The following SH3PXD2B variants were observed in gnomAD, a reference collection of about 807,000 sequenced individuals.
The protein encoded by SH3PXD2B is SH3 and PX domains 2B, also known as SH3 and PX domain-containing protein 2B.
A neutral mutation model predicts 73.1 loss-of-function variants in SH3PXD2B; 37 were observed. That is an observed-to-expected ratio of 0.51 (90% CI 0.39 to 0.67). The LOEUF (loss-of-function observed/expected upper bound fraction) is 0.67. SH3PXD2B is among the 30% of genes least tolerant of loss of function. The pLI, the probability that SH3PXD2B is intolerant of heterozygous loss-of-function variation, is 0.00. For synonymous variants in SH3PXD2B, 457 were observed against 480.5 expected (o/e 0.95, Z 0.64); for missense variants, 1,053 against 1,197.8 (o/e 0.88, Z 1.78).
At chr5:172,341,246 G>A (rs557876439) in intron 12 of SH3PXD2B, among the ~76,000 whole-genome samples, 1 of 152,318 alleles carries the variant, frequency 6.6e-6, no homozygotes, top group South Asian at 2.1e-4. Flanking sequence ...CTTTAAAGAG[G>A]TGGTTAAGGT....
chr5:172,430,484 G>C (rs575461399), intron 1 of SH3PXD2B, among the ~76,000 whole-genome samples: 6 of 152,328 alleles, frequency 3.9e-5, no homozygotes, highest in African/African-American at 1.4e-4. Flanking sequence ...GGAAGGCCCT[G>C]ACACCCCCAC....
chr5:172,329,100 A>ATTTT (rs1230170846), downstream of SH3PXD2B, among the ~76,000 whole-genome samples: 1 of 20,556 alleles, frequency 4.9e-5, no homozygotes, highest in Non-Finnish European at 1.0e-4. Flanking sequence ...TTTTTTTTTG[A>ATTTT]GATGGAGTCT....
downstream of SH3PXD2B, among the ~76,000 whole-genome samples, chr5:172,331,367 C>T (rs909299854): frequency 2.0e-5 from 3 of 152,072 alleles, no homozygotes; most frequent in Non-Finnish European, 2.9e-5. Context: ...CTGAGTTTGA[C>T]TTTTAGGGAG....
intron 4 of SH3PXD2B, among the ~76,000 whole-genome samples, chr5:172,385,872 C>T (rs1318361359): frequency 2.6e-5 from 4 of 152,200 alleles, no homozygotes; most frequent in Admixed American, 6.5e-5. Flanking sequence ...TTGGGATGGA[C>T]TTGGCTACCA....
chr5:172,437,739 G>C (rs562578741), intron 1 of SH3PXD2B, among the ~76,000 whole-genome samples: 19 of 152,312 alleles, frequency 1.2e-4, no homozygotes, highest in African/African-American at 4.3e-4. Flanking sequence ...AGTGCTTGTG[G>C]TGTCTTGCGT....
chr5:172,402,509 G>T (rs376091099), intron 3 of SH3PXD2B, among the ~76,000 whole-genome samples: 1 of 152,168 alleles, frequency 6.6e-6, no homozygotes, highest in Admixed American at 6.5e-5. Flanking sequence ...TGCTGGTTTT[G>T]CGGCTTGCAG....
At chr5:172,432,075 A>G (rs1759260310) in intron 1 of SH3PXD2B, among the ~76,000 whole-genome samples, 1 of 152,212 alleles carries the variant, frequency 6.6e-6, no homozygotes, top group South Asian at 2.1e-4. Flanking sequence ...GGAGAGGCTG[A>G]GGCAGGAGAA....
At chr5:172,343,394 A>G (rs1052879243) in intron 12 of SH3PXD2B, among the ~76,000 whole-genome samples, 1 of 152,320 alleles carries the variant, frequency 6.6e-6, no homozygotes. Context: ...TCAAGCTTAC[A>G]CTCTTTGCAA....
At chr5:172,359,468 A>C (rs1300213457) in intron 7 of SH3PXD2B, among the ~76,000 whole-genome samples, 1 of 151,838 alleles carries the variant, frequency 6.6e-6, no homozygotes, top group Non-Finnish European at 1.5e-5. Context: ...ACTTGCATTA[A>C]ATACAATCTT....
At chr5:172,352,791 T>C (rs1372005713) in intron 9 of SH3PXD2B, among the ~76,000 whole-genome samples, 1 of 152,222 alleles carries the variant, frequency 6.6e-6, no homozygotes, top group Non-Finnish European at 1.5e-5. Flanking sequence ...GCCATGATTC[T>C]GAGGCCTCCC....
chr5:172,339,309 CCA>C lies in SH3PXD2B; in HGVS notation c.1794_1795del (p.Cys598TrpfsTer23). 1 of 1,614,208 alleles carries C rather than the reference CCA, an allele frequency of 6.2e-7. No homozygotes were observed. The highest frequency in any genetic ancestry group is 8.5e-7 in the Non-Finnish European group (1 of 1,180,042). On this transcript the variant is annotated frameshift_variant, in exon 13 of 13. Coordinates refer to ENST00000311601, the MANE Select transcript of SH3PXD2B (RefSeq NM_001017995.3). LOFTEE classifies it high-confidence loss of function. The surrounding 1 kb of genome is among the most constrained non-coding windows in gnomAD (Gnocchi z 6.1). ...CACTTCCTTGGCCAAGACCTTGTGG[CCA>C]CACTCCAGCCCCATGTCATTTTTCA...
rs901248284 is a variant in SH3PXD2B at position 172,374,370 on chromosome 5, C to A, written c.402-555G>T. Among the ~76,000 whole-genome samples the A allele has an allele frequency of 2.0e-5, 3 of 152,280 alleles. No individual in the cohort carries two copies. In the South Asian group the frequency reaches 6.2e-4, roughly 32 times the overall value. On this transcript the variant is annotated intron_variant, in intron 5 of 12. Transcript: ENST00000311601. ...TAGTGAGTCCCTTACCGTCGTCACC[C>A]GTGTCAGAGTTTATAAATGCAACTG...
rs149821150 is a variant in SH3PXD2B at position 172,335,843 on chromosome 5, C to G, written c.*2526G>C. 140 of 1,227,676 alleles carry G rather than the reference C, an allele frequency of 1.1e-4. 1 individual carries two copies. In the East Asian group the frequency reaches 3.9e-3, roughly 35 times the overall value. 76.0% of individuals were successfully genotyped at this position (1,227,676 alleles called of 1,614,324 possible). On this transcript the variant is annotated 3_prime_UTR_variant, in exon 13 of 13. Coordinates refer to ENST00000311601, the MANE Select transcript of SH3PXD2B (RefSeq NM_001017995.3). ...GAGCTGGATACAGACGTCCTCAGGC[C>G]ATAGATATGACTCAAGGAGAGAACA...
intron 1 of SH3PXD2B, among the ~76,000 whole-genome samples, chr5:172,432,528 A>T (rs764290074): frequency 1.3e-5 from 2 of 152,198 alleles, no homozygotes; most frequent in African/African-American, 2.4e-5. Flanking sequence ...GCACGTGCCC[A>T]TGTCCGAAAA....
In SH3PXD2B at chr5:172,348,650, CTATCCTATCTATCTATCTATCTAT is replaced by C. The variant is rs1335159595; in HGVS notation, c.1013-1342_1013-1319del. On this transcript the variant is annotated intron_variant, in intron 10 of 12. Coordinates refer to ENST00000311601, the MANE Select transcript of SH3PXD2B (RefSeq NM_001017995.3). ...TGTATCTATCTATGTATCTATCTAT[CTATCCTATCTATCTATCTATCTAT>C]CTATCTATCTATCTATCTATCTATC... Among the ~76,000 whole-genome samples, 92 of 77,700 alleles carry C rather than the reference CTATCCTATCTATCTATCTATCTAT, an allele frequency of 1.2e-3. 1 individual carries two copies. The highest frequency in any genetic ancestry group is 1.9e-3 in the Non-Finnish European group (66 of 34,684). 51.0% of individuals were successfully genotyped at this position (77,700 alleles called of 152,430 possible).
chr5:172,330,306 GCT>G (rs1422913825), downstream of SH3PXD2B, among the ~76,000 whole-genome samples: 1 of 152,180 alleles, frequency 6.6e-6, no homozygotes, highest in African/African-American at 2.4e-5. Context: ...TCAGTGAGCA[GCT>G]CTCTGTTGCA....
Position 172,350,354 on chromosome 5 carries a change from GTCAC to G in SH3PXD2B, c.1012+5_1012+8del. ...CTGATTATCAGGAGCTTGGGCGGGT[GTCAC>G]TCACTCTGCTTGGCGTCACCGTCGG... On this transcript the variant is annotated splice_donor_5th_base_variant and intron_variant, in intron 10 of 12. Transcript: ENST00000311601. 1.2e-6 allele frequency: 2 copies of G among 1,613,032 alleles called. No homozygotes were observed. The highest frequency in any genetic ancestry group is 1.7e-6 in the Non-Finnish European group (2 of 1,179,700).
intron 2 of SH3PXD2B, among the ~76,000 whole-genome samples, chr5:172,416,681 TC>T (rs1758829325): frequency 9.6e-6 from 1 of 104,380 alleles, no homozygotes; most frequent in Non-Finnish European, 1.8e-5. Context: ...ACTGTGAGTC[TC>T]TCTCTCTCTC....
chr5:172,348,641 T>TCTATCTATCTATC (rs1414140852), intron 10 of SH3PXD2B, among the ~76,000 whole-genome samples: 4 of 75,816 alleles, frequency 5.3e-5, no homozygotes, highest in Non-Finnish European at 7.7e-5. Context: ...TATCTATGTA[T>TCTATCTATCTATC]CTATCTATCT....
Sources: allele counts gnomAD v4.1 joint callset (sites outside exome capture counted in the v4.1 genomes callset), GRCh38; gene constraint gnomAD v4.1.1; non-coding constraint Gnocchi (gnomAD v3.1); transcripts MANE v1.5; gene names NCBI Gene and HGNC (gene_info 2026-07-23, HGNC 2026-07-21).